SCLT1: variants seen among roughly 807,000 people sequenced by gnomAD.
The protein encoded by SCLT1 is sodium channel and clathrin linker 1.
In SCLT1, 78 loss-of-function variants were observed where a neutral mutation model predicts 112.8. The ratio of observed to expected loss-of-function variants is 0.69; its 90% CI spans 0.58 to 0.83. The LOEUF (loss-of-function observed/expected upper bound fraction) is 0.83, where lower values mean the gene tolerates loss of function less well. SCLT1 is among the 40% of genes least tolerant of loss of function. The pLI, the probability that SCLT1 is intolerant of heterozygous loss-of-function variation, is 0.00. For synonymous variants in SCLT1, 257 were observed against 254.7 expected, an observed-to-expected ratio of 1.01 and a Z score of -0.09; for missense variants, 747 against 770.4, an observed-to-expected ratio of 0.97 and a Z score of 0.36.
At chr4:129,052,688 C>T (rs72924196) in intron 2 of SCLT1, among the ~76,000 whole-genome samples, 2,178 of 151,956 alleles carry the variant, frequency 0.014, 46 homozygotes, top group African/African-American at 0.044. Flanking sequence ...AGCTCCTAGA[C>T]TTATTAATTT....
intron 7 of SCLT1, 53 bp from the exon 8 acceptor site, chr4:128,997,992 C>G: frequency 1.2e-6 from 1 of 866,008 alleles, no homozygotes; most frequent in Non-Finnish European, 1.7e-6. Flanking sequence ...TGTTTATAAC[C>G]CATATTTAAA....
chr4:129,068,164 T>C (rs1158599079), intron 2 of SCLT1, among the ~76,000 whole-genome samples: 6 of 152,188 alleles, frequency 3.9e-5, no homozygotes, highest in African/African-American at 1.4e-4. Context: ...GCAAATGCCA[T>C]TAATTCATTC....
downstream of SCLT1, among the ~76,000 whole-genome samples, chr4:128,883,809 T>C (rs560950146): frequency 3.7e-4 from 56 of 152,338 alleles, no homozygotes; most frequent in East Asian, 2.5e-3. Context: ...TGAAGATCAA[T>C]AGGACTTCAA....
At chr4:128,895,310 C>T (rs1733654366) in intron 18 of SCLT1, among the ~76,000 whole-genome samples, 1 of 152,146 alleles carries the variant, frequency 6.6e-6, no homozygotes, top group South Asian at 2.1e-4. Context: ...CAATGGCTCT[C>T]AGCTATTGGA....
Position 128,948,581 on chromosome 4 carries a change from AAGTC to A in SCLT1, c.1219-15_1219-12del. On this transcript the variant is annotated splice_polypyrimidine_tract_variant and intron_variant, in intron 14 of 20. Coordinates refer to ENST00000281142, the MANE Select transcript of SCLT1 (RefSeq NM_144643.4). Reference sequence around the variant, plus strand: ...TTTTTCAGCACACTCCTATAAATTCAAGTCATATTGTAAATATATACATTTGGTA... The same window carrying A: ...TTTTTCAGCACACTCCTATAAATTCAATATTGTAAATATATACATTTGGTA... 6.3e-7 allele frequency: 1 copy of A among 1,582,310 alleles called. No individual in the cohort carries two copies. The highest frequency in any genetic ancestry group is 8.7e-7 in the Non-Finnish European group (1 of 1,154,864).
rs565435717 is a variant in SCLT1, at chr4:129,027,782, C to T, written c.290+11259G>A. Among the ~76,000 whole-genome samples, 783 of 152,152 alleles carry T rather than the reference C, an allele frequency of 5.1e-3. 5 individuals carry two copies. Among genetic ancestry groups the T allele is most frequent in the African/African-American group, 0.018 (727 of 41,456 alleles). On this transcript the variant is annotated intron_variant, in intron 5 of 20. Transcript: ENST00000281142. Reference sequence around the variant, plus strand: ...TGATTGTATATCTAGAAAACCCCATCGTCTCAGCCCAAAATCTCCTTAAGC... The same window carrying T: ...TGATTGTATATCTAGAAAACCCCATTGTCTCAGCCCAAAATCTCCTTAAGC...
intron 9 of SCLT1, chr4:128,970,716 T>C (rs950462053): frequency 2.8e-6 from 1 of 361,180 alleles, no homozygotes; most frequent in African/African-American, 2.1e-5. Context: ...TTGGGTAAAT[T>C]ATATTATATA....
chr4:128,885,637 AT>A (rs1326502961), intron 20 of SCLT1, among the ~76,000 whole-genome samples: 1 of 152,148 alleles, frequency 6.6e-6, no homozygotes, highest in African/African-American at 2.4e-5. Flanking sequence ...TTCAATCAGT[AT>A]TTTTATATGT....
rs558402466 is a variant in SCLT1 at position 129,064,866 on chromosome 4, C to A, written c.102+17440G>T. On this transcript the variant is annotated intron_variant, in intron 2 of 20. Coordinates refer to ENST00000281142, the MANE Select transcript of SCLT1 (RefSeq NM_144643.4). ...AAACAAATTATAAGTAATTTGAAAC[C>A]CTTAAAATTTGTTGAAATTTATGAC... is the stretch of plus-strand genomic sequence containing the variant. 3.3e-5 allele frequency among the ~76,000 whole-genome samples: 5 copies of A among 152,144 alleles called. No homozygotes were observed. In the East Asian group the frequency reaches 9.7e-4, roughly 29 times the overall value.
chr4:128,918,194 A>C (rs1021468765), intron 18 of SCLT1, among the ~76,000 whole-genome samples: 1 of 152,170 alleles, frequency 6.6e-6, no homozygotes, highest in Non-Finnish European at 1.5e-5. Flanking sequence ...ATAGATAGAG[A>C]AACCAGATAA....
intron 5 of SCLT1, 109 bp downstream of exon 5, chr4:129,038,932 G>T: frequency 1.4e-6 from 1 of 719,912 alleles, no homozygotes; most frequent in Non-Finnish European, 2.4e-6. Flanking sequence ...ATCAGCCCCG[G>T]GGTCCACATT....
intron 13 of SCLT1, among the ~76,000 whole-genome samples, chr4:128,956,201 C>T (rs1263420398): frequency 2.0e-5 from 3 of 152,078 alleles, no homozygotes; most frequent in Admixed American, 6.5e-5. Context: ...CTTCATCAAC[C>T]TCAAAATCAA....
chr4:128,913,445 G>A (rs1383650291), intron 18 of SCLT1, among the ~76,000 whole-genome samples: 1 of 152,172 alleles, frequency 6.6e-6, no homozygotes, highest in Non-Finnish European at 1.5e-5. Flanking sequence ...AAAAAGATTT[G>A]AGGACAGAAT....
intron 17 of SCLT1, among the ~76,000 whole-genome samples, chr4:128,940,158 C>T (rs1477471850): frequency 6.6e-6 from 1 of 150,972 alleles, no homozygotes; most frequent in African/African-American, 2.4e-5. Context: ...TTGATTCCAT[C>T]CCCACTCATT....
At chr4:128,883,045 C>G (rs1579271981), downstream of SCLT1, among the ~76,000 whole-genome samples, 1 of 150,222 alleles carries the variant, frequency 6.7e-6, no homozygotes, top group Non-Finnish European at 1.5e-5. Context: ...ACTTGGGAGG[C>G]TGAGGCAGGA....
At chr4:129,060,000 A>G (rs1348643365) in intron 2 of SCLT1, among the ~76,000 whole-genome samples, 1 of 152,006 alleles carries the variant, frequency 6.6e-6, no homozygotes, top group East Asian at 1.9e-4. Context: ...TTTTTGCCTA[A>G]TGGTGTTCCA....
At chr4:128,945,974 T>A (rs778404805) in intron 16 of SCLT1, 33 bp downstream of exon 16, 2 of 1,490,370 alleles carry the variant, frequency 1.3e-6, no homozygotes, top group Non-Finnish European at 9.2e-7. Flanking sequence ...ATTCTGAAGA[T>A]GTTATCATAG....
intron 1 of SCLT1, among the ~76,000 whole-genome samples, chr4:129,089,051 T>A (rs1019415062): frequency 5.3e-5 from 8 of 152,092 alleles, no homozygotes; most frequent in African/African-American, 1.9e-4. Context: ...GAAACCATCA[T>A]CAGAATGAAC....
chr4:129,077,098 C>T (rs1189364073), intron 2 of SCLT1, among the ~76,000 whole-genome samples: 1 of 151,972 alleles, frequency 6.6e-6, no homozygotes, highest in Non-Finnish European at 1.5e-5. Flanking sequence ...AACATAGTCC[C>T]CTAAGAACAA....
Sources: gnomAD v4.1 joint callset for allele counts (sites outside exome capture counted in the v4.1 genomes callset) on GRCh38, gnomAD v4.1.1 for gene constraint, MANE v1.5 for transcripts, NCBI Gene and HGNC (gene_info 2026-07-23, HGNC 2026-07-21) for gene names.